The following WIPF1 variants were observed in gnomAD, a reference collection of about 807,000 sequenced individuals.
WIPF1 encodes the protein WAS/WASL interacting protein family member 1.
A neutral mutation model predicts 35.4 loss-of-function variants in WIPF1; 13 were observed. The ratio of observed to expected loss-of-function variants is 0.37; its 90% CI spans 0.24 to 0.58. The LOEUF is 0.58. WIPF1 is among the 20% of genes least tolerant of loss of function. WIPF1 has a pLI of 0.74. For synonymous variants in WIPF1, 267 were observed against 266.3 expected (o/e 1.00, Z -0.02); for missense variants, 591 against 667.0 (o/e 0.89, Z 1.25).
intron 1 of WIPF1, among the ~76,000 whole-genome samples, chr2:174,677,390 T>A (rs1465255330): frequency 6.6e-6 from 1 of 152,216 alleles, no homozygotes; most frequent in Non-Finnish European, 1.5e-5. Context: ...AAGGATTTTT[T>A]AAAAAGTGAT....
At chr2:174,576,230 C>CAAAAAAAA (rs66562213) in intron 3 of WIPF1, among the ~76,000 whole-genome samples, 18 of 98,950 alleles carry the variant, frequency 1.8e-4, no homozygotes, top group African/African-American at 7.0e-4. Flanking sequence ...TGCACTCCAG[C>CAAAAAAAA]AAAAAAAAAA....
chr2:174,672,144 A>G (rs775300966), intron 1 of WIPF1, among the ~76,000 whole-genome samples: 28 of 152,226 alleles, frequency 1.8e-4, no homozygotes, highest in Non-Finnish European at 3.7e-4. Flanking sequence ...ACTTAGGAAA[A>G]CAAAAAAGAA....
chr2:174,592,677 C>T (rs1685658730), intron 1 of WIPF1, among the ~76,000 whole-genome samples: 1 of 150,166 alleles, frequency 6.7e-6, no homozygotes, highest in East Asian at 2.0e-4. Flanking sequence ...ACGATCTTGG[C>T]TCACTGCAAC....
At chr2:174,614,011 G>A (rs1396169339) in intron 1 of WIPF1, among the ~76,000 whole-genome samples, 4 of 152,234 alleles carry the variant, frequency 2.6e-5, no homozygotes, top group Admixed American at 2.6e-4. Context: ...CATTCAATTT[G>A]TGCTGGTCAC....
Position 174,571,302 on chromosome 2 carries a change from G to C in WIPF1, c.1129+374C>G, listed in dbSNP as rs1323567289. 1.0e-5 allele frequency: 5 copies of C among 478,416 alleles called. No homozygotes were observed. The highest frequency in any genetic ancestry group is 1.8e-5 in the Non-Finnish European group (5 of 270,420). The allele number at this position is 478,416 out of a possible 1,614,324, so 29.6% of individuals were successfully genotyped here. A position where few individuals can be genotyped will look rare whatever the true frequency, so the allele number is the denominator to read the frequency against. On this transcript the variant is annotated intron_variant, in intron 5 of 7. Coordinates refer to ENST00000679041, the MANE Select transcript of WIPF1 (RefSeq NM_001375834.1). This position sits in a 1 kb window ranked among gnomAD's most constrained non-coding sequence, Gnocchi z 4.6. ...TGTTGGAATAACAGAGCCCTCCTGC[G>C]GGAGGTGGGGACTTATTTTCCCAAT...
At chr2:174,625,358 C>T (rs564408291) in intron 1 of WIPF1, among the ~76,000 whole-genome samples, 1 of 152,204 alleles carries the variant, frequency 6.6e-6, no homozygotes, top group African/African-American at 2.4e-5. Flanking sequence ...AGGCTTATCA[C>T]AAAGGAGATC....
At chr2:174,638,447 A>G (rs751916737) in intron 1 of WIPF1, among the ~76,000 whole-genome samples, 8 of 152,158 alleles carry the variant, frequency 5.3e-5, no homozygotes, top group Non-Finnish European at 1.2e-4. Context: ...ATAAAATACA[A>G]TATTTTACCA....
At chr2:174,576,230 C>CA (rs66562213) in intron 3 of WIPF1, among the ~76,000 whole-genome samples, 40,881 of 98,648 alleles carry the variant, frequency 0.41, 8,056 homozygotes, top group East Asian at 0.66. Flanking sequence ...TGCACTCCAG[C>CA]AAAAAAAAAA....
rs1056086220 is a variant in WIPF1, at chr2:174,652,798, A to AC, written c.-39+29975_-39+29976insG. Among the ~76,000 whole-genome samples the AC allele has an allele frequency of 8.7e-4, 132 of 151,972 alleles. 1 individual carries two copies. The highest frequency in any genetic ancestry group is 3.1e-3 in the East Asian group (16 of 5,184). ...AGGTATGTAAATTCCATTTAAAAAA[A>AC]AAAAAAAAACAAAAAAAAACTTCAT... On this transcript the variant is annotated intron_variant, in intron 1 of 8. Transcript: ENST00000272746.
intron 1 of WIPF1, among the ~76,000 whole-genome samples, chr2:174,588,716 A>C (rs1351741783): frequency 6.6e-6 from 1 of 152,184 alleles, no homozygotes; most frequent in Non-Finnish European, 1.5e-5. Flanking sequence ...TTAGCAGGCA[A>C]AAACAAGGTT....
At chr2:174,663,130 TCCGGAGGA>T in intron 1 of WIPF1, among the ~76,000 whole-genome samples, 1 of 152,100 alleles carries the variant, frequency 6.6e-6, no homozygotes, top group Non-Finnish European at 1.5e-5. Context: ...GAAAATAAGG[TCCGGAGGA>T]CCATCTATGG....
chr2:174,616,672 A>T (rs1574838129), intron 1 of WIPF1, among the ~76,000 whole-genome samples: 1 of 152,236 alleles, frequency 6.6e-6, no homozygotes, highest in East Asian at 1.9e-4. Flanking sequence ...ATACATAAGC[A>T]ATAAAGACCA....
rs1473553736 is a variant in WIPF1, at chr2:174,572,381, A to C, written c.424T>G (p.Ser142Ala). The stretch of plus-strand genomic sequence containing the variant: ...AACCTCCCTGGGCCACTTGGGGGTG[A>C]AAAGGGTTTCGCAGATGTGGATCTT... ...GGRSTSAKPF[S>A]PPSGPGRFPV... The change falls in exon 5 of 8, where the codon TCA becomes GCA. Residue 142 changes from serine to alanine, a missense_variant. By Grantham distance (99) the Ser-to-Ala change is moderately conservative (BLOSUM62 1). Coordinates refer to ENST00000679041, the MANE Select transcript of WIPF1 (RefSeq NM_001375834.1). 6 of 1,614,104 alleles carry C rather than the reference A, an allele frequency of 3.7e-6. No homozygotes were observed. Among genetic ancestry groups the C allele is most frequent in the African/African-American group, 1.3e-5 (1 of 75,000 alleles).
chr2:174,667,676 C>T (rs2105981836), intron 1 of WIPF1, among the ~76,000 whole-genome samples: 1 of 152,342 alleles, frequency 6.6e-6, no homozygotes, highest in East Asian at 1.9e-4. Context: ...CAGGCCACCT[C>T]AGCCTTTCCG....
chr2:174,664,880 G>C (rs770598163), intron 1 of WIPF1, among the ~76,000 whole-genome samples: 1 of 151,982 alleles, frequency 6.6e-6, no homozygotes. Flanking sequence ...TGATCCTTTC[G>C]CCTCGGCCTC....
intron 1 of WIPF1, among the ~76,000 whole-genome samples, chr2:174,592,301 G>T (rs1449320515): frequency 1.3e-5 from 2 of 152,150 alleles, no homozygotes; most frequent in East Asian, 1.9e-4. Context: ...GTGGGCAGGG[G>T]TTCTATTAGA....
At chr2:174,667,378 T>C (rs3935560) in intron 1 of WIPF1, among the ~76,000 whole-genome samples, 86,582 of 151,942 alleles carry the variant, frequency 0.57, 25,102 homozygotes, top group East Asian at 0.7. Context: ...AAATCAGTCC[T>C]AGGCCAATGA....
chr2:174,660,414 C>T (rs1021339116), intron 1 of WIPF1, among the ~76,000 whole-genome samples: 2 of 152,174 alleles, frequency 1.3e-5, no homozygotes, highest in Admixed American at 6.5e-5. Context: ...GCTCTATAAA[C>T]ATTTGCTGCT....
intron 1 of WIPF1, among the ~76,000 whole-genome samples, chr2:174,610,076 T>C (rs1469319842): frequency 6.6e-6 from 1 of 152,214 alleles, no homozygotes; most frequent in Non-Finnish European, 1.5e-5. Context: ...TTCAAATGAC[T>C]GACTGGGGAA....
Sources: gnomAD v4.1 joint callset for allele counts (sites outside exome capture counted in the v4.1 genomes callset) on GRCh38, gnomAD v4.1.1 for gene constraint, Gnocchi (gnomAD v3.1) non-coding constraint, MANE v1.5 for transcripts, NCBI Gene and HGNC (gene_info 2026-07-23, HGNC 2026-07-21) for gene names.